HLTF: variants seen among roughly 807,000 people sequenced by gnomAD.
HLTF encodes the protein helicase like transcription factor.
HLTF carries 127 observed loss-of-function variants against 129.4 expected under a neutral mutation model. The observed-to-expected ratio is 0.98, with a 90% confidence interval of 0.85 to 1.14. The LOEUF (loss-of-function observed/expected upper bound fraction) is 1.14. Among genes scored for constraint, HLTF ranks in the 50% most tolerant of loss-of-function variants. The pLI, the probability that HLTF is intolerant of heterozygous loss-of-function variation, is 0.00. For synonymous variants in HLTF, 332 were observed against 388.8 expected, an observed-to-expected ratio of 0.85 and a Z score of 1.72; for missense variants, 1,139 against 1,187.1, an observed-to-expected ratio of 0.96 and a Z score of 0.60.
intron 8 of HLTF, among the ~76,000 whole-genome samples, 172 bp downstream of exon 8, chr3:149,068,067 TA>T (rs1718550239): frequency 6.6e-6 from 1 of 152,138 alleles, no homozygotes; most frequent in Admixed American, 6.6e-5. Flanking sequence ...TCTGAAAACG[TA>T]AAAAGAATGT....
Position 149,031,557 on chromosome 3 carries a change from TGTA to T in HLTF, c.*660_*662del, listed in dbSNP as rs1428150891. 3 of 152,554 alleles carry T rather than the reference TGTA, an allele frequency of 2.0e-5. No homozygotes were observed. Among genetic ancestry groups the T allele is most frequent in the African/African-American group, 7.2e-5 (3 of 41,442 alleles). The allele number at this position is 152,554 out of a possible 1,614,324, so 9.5% of individuals were successfully genotyped here. ...CAGCAAGTTACATTTAAACAATGAG[TGTA>T]GTACTACTTAACTAAAATGGAAAAA... is the stretch of plus-strand genomic sequence containing the variant. On this transcript the variant is annotated 3_prime_UTR_variant, in exon 25 of 25. Coordinates refer to ENST00000310053, the MANE Select transcript of HLTF (RefSeq NM_003071.4).
At chr3:149,074,624 T>A (rs1307129038) in intron 3 of HLTF, among the ~76,000 whole-genome samples, 2 of 152,144 alleles carry the variant, frequency 1.3e-5, no homozygotes, top group African/African-American at 4.8e-5. Flanking sequence ...AAGATTGTAA[T>A]ATAAGTAAAA....
intron 1 of HLTF, 139 bp from the exon 2 acceptor site, chr3:149,085,028 T>C: frequency 1.5e-6 from 1 of 665,026 alleles, no homozygotes; most frequent in Non-Finnish European, 2.5e-6. Context: ...GTTACTCTCG[T>C]TAAAGCAGGA....
At chr3:149,077,234 G>A (rs1275048565) in intron 2 of HLTF, among the ~76,000 whole-genome samples, 6 of 150,000 alleles carry the variant, frequency 4.0e-5, no homozygotes, top group South Asian at 2.1e-4. Context: ...GTGACAGAGC[G>A]AGACTTCATC....
chr3:149,073,220 C>A lies in HLTF; in HGVS notation c.627+5G>T, dbSNP rs375559128. 208 of 1,559,632 alleles carry A rather than the reference C, an allele frequency of 1.3e-4. 1 individual carries two copies. The South Asian group carries it at 1.7e-3, about 12-fold the overall frequency. On this transcript the variant is annotated splice_donor_5th_base_variant and intron_variant, in intron 5 of 24. Coordinates refer to ENST00000310053, the MANE Select transcript of HLTF (RefSeq NM_003071.4). Reference sequence around the variant, plus strand: ...TTTAGATTACAAAATAAAAGAGAAGCACACCTGTTCAGTTGTCATCTGTAC... The same window carrying A: ...TTTAGATTACAAAATAAAAGAGAAGAACACCTGTTCAGTTGTCATCTGTAC...
At chr3:149,064,020 T>C (rs1718161678) in intron 9 of HLTF, among the ~76,000 whole-genome samples, 1 of 152,164 alleles carries the variant, frequency 6.6e-6, no homozygotes, top group African/African-American at 2.4e-5. Flanking sequence ...AGATGACCTA[T>C]TTCACTTTAC....
chr3:149,078,905 C>A (rs527292738), intron 2 of HLTF, among the ~76,000 whole-genome samples: 1 of 151,702 alleles, frequency 6.6e-6, no homozygotes, highest in African/African-American at 2.4e-5. Context: ...TCATTTCTTT[C>A]GACATGAAAA....
intron 24 of HLTF, among the ~76,000 whole-genome samples, chr3:149,034,555 T>C (rs191174288): frequency 1.3e-5 from 2 of 152,304 alleles, no homozygotes. Context: ...ATCTAAACTG[T>C]ATACTTCAAA....
intron 21 of HLTF, 95 bp downstream of exon 21, chr3:149,039,936 G>T: frequency 1.8e-6 from 2 of 1,115,588 alleles, no homozygotes; most frequent in East Asian, 2.6e-5. Context: ...TAAAATGACA[G>T]GAATGAAAGC....
rs67952189 is a variant in HLTF at position 149,032,957 on chromosome 3, C to CAA, written c.2878-587_2878-586dup. Among the ~76,000 whole-genome samples, 368 of 67,460 alleles carry CAA rather than the reference C, an allele frequency of 5.5e-3. 12 individuals are homozygous for CAA. The highest frequency in any genetic ancestry group is 0.016 in the African/African-American group (272 of 17,408). The allele number at this position is 67,460 out of a possible 152,430, so 44.3% of individuals were successfully genotyped here. ...CAGCCTGGGTGACAGAGCGACGTCTCAAAAAAAAAAAAAAAAAAAACAAAA... is the reference window on the plus strand; with the variant it reads ...CAGCCTGGGTGACAGAGCGACGTCTCAAAAAAAAAAAAAAAAAAAAAACAAAA... On this transcript the variant is annotated intron_variant, in intron 24 of 24. Transcript: ENST00000310053.
At chr3:149,073,406 T>C (rs1013936183) in intron 4 of HLTF, 84 bp from the exon 5 acceptor site, 6 of 922,210 alleles carry the variant, frequency 6.5e-6, no homozygotes, top group African/African-American at 1.7e-5. Flanking sequence ...AAATATGCAT[T>C]AACAGGGCTG....
intron 2 of HLTF, among the ~76,000 whole-genome samples, chr3:149,078,442 C>A (rs569099838): frequency 6.6e-6 from 1 of 152,168 alleles, no homozygotes; most frequent in Non-Finnish European, 1.5e-5. Flanking sequence ...CCCAGCTATT[C>A]AGGAGTCTGA....
chr3:149,063,462 T>C lies in HLTF; in HGVS notation c.1129A>G (p.Met377Val), dbSNP rs148206552. ...GGGCGGGAGCTAGACAATTCTGACATGCGAAACTTACTCTTCTCCTTGATA... is the reference window on the plus strand; with the variant it reads ...GGGCGGGAGCTAGACAATTCTGACACGCGAAACTTACTCTTCTCCTTGATA... Reference protein sequence around the residue: ...SDIKEKSKFRMSELSSSRPKR... With the variant: ...SDIKEKSKFRVSELSSSRPKR... Residue 377 changes from methionine to valine, a missense_variant, in exon 10 of 25, where the codon ATG (methionine) becomes GTG (valine). Transcript: ENST00000310053. 14 of 1,609,622 alleles carry C rather than the reference T, an allele frequency of 8.7e-6. No individual in the cohort carries two copies. Among genetic ancestry groups the C allele is most frequent in the Non-Finnish European group, 1.1e-5 (13 of 1,176,116 alleles).
In HLTF at chr3:149,048,183, G is replaced by A; in HGVS notation, c.1757-20C>T. On this transcript the variant is annotated intron_variant, in intron 16 of 24. Coordinates refer to ENST00000310053, the MANE Select transcript of HLTF (RefSeq NM_003071.4). ...GAGTACCTAGAAATAACAGGAAACTGTTATAACTCTTTAACCAGAGTATCC... is the reference window on the plus strand; with the variant it reads ...GAGTACCTAGAAATAACAGGAAACTATTATAACTCTTTAACCAGAGTATCC... 1 of 1,587,344 alleles carries A rather than the reference G, an allele frequency of 6.3e-7. No homozygotes were observed. Among genetic ancestry groups the A allele is most frequent in the Non-Finnish European group, 8.6e-7 (1 of 1,168,826 alleles).
chr3:149,040,360 G>A, intron 20 of HLTF: 5 of 468,420 alleles, frequency 1.1e-5, no homozygotes, highest in East Asian at 8.2e-5. Context: ...GATAAAGGAG[G>A]GAGCAAAAGT....
In HLTF at chr3:149,041,604, T is replaced by G. The variant is rs771885791; in HGVS notation, c.2262A>C (p.Ser754=). ...AAATTGCACATTCCTCATCTGAACC[T>G]GAGCTCAGAATTAACTTCATCTTCC... ...LIRKMKLILS[S]GSDEECAICL... The change falls in exon 20 of 25, where the codon TCA becomes TCC. Residue 754 remains serine, a synonymous_variant. Transcript: ENST00000310053. 15 of 1,610,940 alleles carry G rather than the reference T, an allele frequency of 9.3e-6. No homozygotes were observed. The South Asian group carries it at 1.3e-4, about 14-fold the overall frequency.
At position 149,055,329 on chromosome 3, in the gene HLTF, G is replaced by A; in HGVS notation, c.1447C>T (p.Pro483Ser). ...ATCCAGTTGCTTAACACAGAAAGCGGACAGATGATCAGTGTTGTTCTTGGT... is the reference window on the plus strand; with the variant it reads ...ATCCAGTTGCTTAACACAGAAAGCGAACAGATGATCAGTGTTGTTCTTGGT... ...ERPRTTLIIC[P>S]LSVLSNWIDQ... Residue 483 changes from proline to serine, a missense_variant, in exon 14 of 25, where the codon CCG becomes TCG. Pro to Ser is a moderately conservative substitution (Grantham distance 74). Coordinates refer to ENST00000310053, the MANE Select transcript of HLTF (RefSeq NM_003071.4). 1 of 1,613,424 alleles carries A rather than the reference G, an allele frequency of 6.2e-7. No individual in the cohort carries two copies. The highest frequency in any genetic ancestry group is 8.5e-7 in the Non-Finnish European group (1 of 1,179,408).
chr3:149,041,519 A>G lies in HLTF; in HGVS notation c.2347T>C (p.Cys783Arg). ...THCAHVFCKP[C>R]ICQVIQNEQP... is the part of the protein sequence containing the mutation. The stretch of plus-strand genomic sequence containing the variant: ...TCATTCTGAATGACTTGGCAAATAC[A>G]GGGTTTACAAAATACATGTGCACAA... Residue 783 changes from cysteine (C) to arginine (R), a missense_variant, in exon 20 of 25, where the codon TGT becomes CGT. Coordinates refer to ENST00000310053, the MANE Select transcript of HLTF (RefSeq NM_003071.4). 5.0e-6 allele frequency: 8 copies of G among 1,613,142 alleles called. No homozygotes were observed. Among genetic ancestry groups the G allele is most frequent in the Non-Finnish European group, 6.8e-6 (8 of 1,179,434 alleles).
intron 2 of HLTF, among the ~76,000 whole-genome samples, chr3:149,081,516 T>C (rs912284197): frequency 6.6e-6 from 1 of 151,774 alleles, no homozygotes; most frequent in Non-Finnish European, 1.5e-5. Context: ...ACACAATCAT[T>C]AAGAAAAATT....
Sources: allele counts gnomAD v4.1 joint callset (sites outside exome capture counted in the v4.1 genomes callset), GRCh38; gene constraint gnomAD v4.1.1; transcripts MANE v1.5; gene names NCBI Gene and HGNC (gene_info 2026-07-23, HGNC 2026-07-21).